Variants in PLEKHF2 observed in about 807,000 individuals in gnomAD.
The protein encoded by PLEKHF2 is pleckstrin homology domain-containing family F member 2.
Under a neutral mutation model 14.7 loss-of-function variants are expected in PLEKHF2, and 4 were observed. That is an observed-to-expected ratio of 0.27 (90% CI 0.13 to 0.62). PLEKHF2 has a LOEUF of 0.62. PLEKHF2 is among the 20% of genes least tolerant of loss of function. The pLI is 0.85. For synonymous variants in PLEKHF2, 90 were observed against 103.5 expected, an observed-to-expected ratio of 0.87 and a Z score of 0.79; for missense variants, 201 against 307.7, an observed-to-expected ratio of 0.65 and a Z score of 2.60.
intron 1 of PLEKHF2, among the ~76,000 whole-genome samples, chr8:95,135,450 C>A (rs1810365222): frequency 1.3e-5 from 2 of 152,082 alleles, no homozygotes; most frequent in African/African-American, 4.8e-5. Context: ...GTCGCCCAGG[C>A]TGGAGTGCAG....
intron 1 of PLEKHF2, chr8:95,134,357 G>A (rs1350110596): frequency 6.6e-6 from 1 of 151,294 alleles, no homozygotes; most frequent in Non-Finnish European, 1.5e-5. Context: ...CGGGTCTGCG[G>A]GGCGGGGGCC....
chr8:95,153,176 A>G (rs1021919771), intron 1 of PLEKHF2, among the ~76,000 whole-genome samples: 9 of 152,132 alleles, frequency 5.9e-5, no homozygotes, highest in African/African-American at 2.2e-4. Flanking sequence ...TGAAGCTAGA[A>G]TATACATGGA....
chr8:95,149,922 G>A (rs1387454977), intron 1 of PLEKHF2, among the ~76,000 whole-genome samples: 3 of 152,136 alleles, frequency 2.0e-5, no homozygotes, highest in African/African-American at 4.8e-5. Flanking sequence ...TCTCACAAAA[G>A]TGTAGCATTC....
chr8:95,153,801 C>G (rs1043303094), intron 1 of PLEKHF2, among the ~76,000 whole-genome samples: 1 of 152,126 alleles, frequency 6.6e-6, no homozygotes, highest in Non-Finnish European at 1.5e-5. Flanking sequence ...CAAATACCTG[C>G]TTAACTAGTA....
chr8:95,143,093 C>CTTTTTTTTTT (rs35086823), intron 1 of PLEKHF2, among the ~76,000 whole-genome samples: 3 of 141,040 alleles, frequency 2.1e-5, no homozygotes, highest in Non-Finnish European at 1.5e-5. Context: ...AGGAAATAAT[C>CTTTTTTTTTT]TTTTTTTTTT....
intron 1 of PLEKHF2, 114 bp from the exon 2 acceptor site, chr8:95,153,917 T>C (rs1005283785): frequency 2.6e-6 from 2 of 773,218 alleles, no homozygotes; most frequent in African/African-American, 3.6e-5. Context: ...GAAAGAATTT[T>C]AGAACATTTT....
At chr8:95,146,050 C>A (rs935762799) in intron 1 of PLEKHF2, among the ~76,000 whole-genome samples, 1 of 152,056 alleles carries the variant, frequency 6.6e-6, no homozygotes, top group Non-Finnish European at 1.5e-5. Flanking sequence ...AGCAGTGACA[C>A]GGATTTTAAA....
intron 1 of PLEKHF2, among the ~76,000 whole-genome samples, chr8:95,141,933 A>G (rs369108835): frequency 6.6e-6 from 1 of 151,718 alleles, no homozygotes; most frequent in Non-Finnish European, 1.5e-5. Context: ...ATTCTTCACA[A>G]CCTGTTTTCA....
At chr8:95,136,373 C>CACACACACACAT (rs10534400) in intron 1 of PLEKHF2, among the ~76,000 whole-genome samples, 34 of 145,262 alleles carry the variant, frequency 2.3e-4, no homozygotes, top group African/African-American at 7.9e-4. Flanking sequence ...CACACACACA[C>CACACACACACAT]ATGTTTTGTT....
At chr8:95,136,372 ACAT>A (rs1810377221) in intron 1 of PLEKHF2, among the ~76,000 whole-genome samples, 1 of 144,042 alleles carries the variant, frequency 6.9e-6, no homozygotes, top group African/African-American at 2.7e-5. Context: ...ACACACACAC[ACAT>A]GTTTTGTTGT....
chr8:95,144,198 A>G (rs574392754), intron 1 of PLEKHF2, among the ~76,000 whole-genome samples: 1 of 152,288 alleles, frequency 6.6e-6, no homozygotes, highest in African/African-American at 2.4e-5. Flanking sequence ...CTTGAAGTCT[A>G]TATTTGTTCC....
intron 1 of PLEKHF2, among the ~76,000 whole-genome samples, chr8:95,138,598 C>T (rs1458587101): frequency 4.6e-5 from 7 of 151,958 alleles, no homozygotes; most frequent in African/African-American, 1.2e-4. Flanking sequence ...GATAATTAGG[C>T]GTATCAAAAT....
chr8:95,150,614 G>A (rs1183206945), intron 1 of PLEKHF2, among the ~76,000 whole-genome samples: 1 of 152,098 alleles, frequency 6.6e-6, no homozygotes, highest in African/African-American at 2.4e-5. Flanking sequence ...AAAGATTTAT[G>A]AACAAAGATT....
intron 1 of PLEKHF2, among the ~76,000 whole-genome samples, chr8:95,134,943 T>C (rs989244919): frequency 3.3e-5 from 5 of 152,216 alleles, no homozygotes; most frequent in Admixed American, 2.0e-4. Flanking sequence ...TCTTGACAGT[T>C]TGAAGTTTTT....
Position 95,154,708 on chromosome 8 carries a change from G to T in PLEKHF2, c.664G>T (p.Ala222Ser), listed in dbSNP as rs752806048. The T allele has an allele frequency of 1.2e-6, 2 of 1,614,150 alleles. No homozygotes were observed. The highest frequency in any genetic ancestry group is 1.7e-6 in the Non-Finnish European group (2 of 1,179,996). The change falls in exon 2 of 2, where the codon GCT becomes TCT. Residue 222 changes from alanine (A) to serine (S), a missense_variant. Ala to Ser is a moderately conservative substitution (Grantham distance 99, BLOSUM62 1). Transcript: ENST00000315367. The surrounding 1 kb of genome is among the most constrained non-coding windows in gnomAD (Gnocchi z 5.6). ...TGGGGACATGGCCACATGCCAGCCT[G>T]CTAGATCAGACTCTTACAGCCAGTC... ...SAGDMATCQP[A>S]RSDSYSQSLK...
At chr8:95,141,919 G>T (rs562821756) in intron 1 of PLEKHF2, among the ~76,000 whole-genome samples, 1 of 151,814 alleles carries the variant, frequency 6.6e-6, no homozygotes, top group African/African-American at 2.4e-5. Flanking sequence ...CTTAAATTCC[G>T]CTCATTCTTC....
At chr8:95,143,634 G>A (rs1810460765) in intron 1 of PLEKHF2, among the ~76,000 whole-genome samples, 1 of 152,148 alleles carries the variant, frequency 6.6e-6, no homozygotes, top group South Asian at 2.1e-4. Flanking sequence ...AAGGAGGGAG[G>A]ACATGCCGAG....
rs980750883 is a variant in PLEKHF2, at chr8:95,133,875, C to T, written c.-170C>T. 4 of 152,492 alleles carry T rather than the reference C, an allele frequency of 2.6e-5. No homozygotes were observed. Among genetic ancestry groups the T allele is most frequent in the Non-Finnish European group, 5.9e-5 (4 of 68,372 alleles). 9.4% of individuals were successfully genotyped at this position (152,492 alleles called of 1,614,324 possible). ...CTGCGCTGGCGGCCAGCCCGCCCAC[C>T]GCGTCTGGATCGCGCCGGCTGCGCG... On this transcript the variant is annotated 5_prime_UTR_variant, in exon 1 of 2. Transcript: ENST00000315367.
intron 1 of PLEKHF2, among the ~76,000 whole-genome samples, chr8:95,138,491 A>G (rs1424241522): frequency 6.6e-6 from 1 of 151,746 alleles, no homozygotes; most frequent in Non-Finnish European, 1.5e-5. Flanking sequence ...ATATAACTGT[A>G]TTTTACTTTT....
Sources: gnomAD v4.1 joint callset for allele counts (sites outside exome capture counted in the v4.1 genomes callset) on GRCh38, gnomAD v4.1.1 for gene constraint, Gnocchi (gnomAD v3.1) non-coding constraint, MANE v1.5 for transcripts, NCBI Gene and HGNC (gene_info 2026-07-23, HGNC 2026-07-21) for gene names.